Variants in RARB observed in about 807,000 individuals in gnomAD.
RARB encodes the protein retinoic acid receptor beta, also known as HBV-activated protein.
A neutral mutation model predicts 51.9 loss-of-function variants in RARB; 17 were observed. That is an observed-to-expected ratio of 0.33 (90% CI 0.22 to 0.49). The LOEUF (loss-of-function observed/expected upper bound fraction) is 0.49, where lower values mean the gene tolerates loss of function less well. Among genes scored for constraint, RARB ranks in the 20% least tolerant of loss-of-function variants. The pLI is 0.99. For synonymous variants in RARB, 215 were observed against 195.4 expected (o/e 1.10, Z -0.84); for missense variants, 369 against 550.8 (o/e 0.67, Z 3.30).
At chr3:25,128,738 C>T (rs939788425) in intron 3 of RARB, among the ~76,000 whole-genome samples, 1 of 151,414 alleles carries the variant, frequency 6.6e-6, no homozygotes, top group Admixed American at 6.6e-5. Flanking sequence ...ACAGTCCTCT[C>T]AATGAAAACA....
chr3:25,272,570 T>A (rs1703279814), intron 5 of RARB, among the ~76,000 whole-genome samples: 1 of 152,192 alleles, frequency 6.6e-6, no homozygotes, highest in Non-Finnish European at 1.5e-5. Flanking sequence ...CCTGTAGAGC[T>A]TTTAAAAATA....
Position 25,317,083 on chromosome 3 carries a change from G to T in RARB, c.178+142508G>T, listed in dbSNP as rs200091739. The stretch of plus-strand genomic sequence containing the variant: ...GTTAAGTATTTGATTATTATAAGTC[G>T]TGTAAAAGAATACAACATTTTTGCA... On this transcript the variant is annotated intron_variant, in intron 5 of 11. Coordinates refer to the RARB transcript ENST00000383772. 2.3e-3 allele frequency among the ~76,000 whole-genome samples: 97 copies of T among 42,756 alleles called. 1 individual carries two copies. Among genetic ancestry groups the T allele is most frequent in the Non-Finnish European group, 2.2e-3 (39 of 17,794 alleles). 28.0% of individuals were successfully genotyped at this position (42,756 alleles called of 152,430 possible).
rs900626720 is a variant in RARB, at chr3:25,031,559, C to G, written c.-379-28566C>G. ...AGAACATAACGTGACAAAGACAATGCCTTGAAAACTAAGTAGATTCATTTA... is the reference window on the plus strand; with the variant it reads ...AGAACATAACGTGACAAAGACAATGGCTTGAAAACTAAGTAGATTCATTTA... On this transcript the variant is annotated intron_variant, in intron 2 of 11. Coordinates refer to the RARB transcript ENST00000383772. 5.9e-5 allele frequency among the ~76,000 whole-genome samples: 9 copies of G among 152,222 alleles called. No individual in the cohort carries two copies. The East Asian group carries it at 1.7e-3, about 29-fold the overall frequency.
intron 4 of RARB, among the ~76,000 whole-genome samples, chr3:25,576,912 A>G (rs761413133): frequency 6.6e-6 from 1 of 152,196 alleles, no homozygotes; most frequent in Non-Finnish European, 1.5e-5. Context: ...TCCCGAAGCC[A>G]TGCTCTCATA....
chr3:24,932,851 A>T (rs1486208701), intron 2 of RARB, among the ~76,000 whole-genome samples: 2 of 152,178 alleles, frequency 1.3e-5, no homozygotes, highest in Admixed American at 1.3e-4. Context: ...GGAGGTGCTA[A>T]TCTCTGTTCT....
At chr3:24,901,595 T>C (rs577332402) in intron 2 of RARB, among the ~76,000 whole-genome samples, 111 of 152,192 alleles carry the variant, frequency 7.3e-4, no homozygotes, top group Non-Finnish European at 1.1e-3. Flanking sequence ...CCTTTGGTAA[T>C]CAATTCTTAA....
chr3:25,566,143 G>C (rs1700485190), intron 3 of RARB, among the ~76,000 whole-genome samples: 4 of 152,164 alleles, frequency 2.6e-5, no homozygotes. Flanking sequence ...CCATGATTCT[G>C]GTGGTTCTTG....
chr3:25,398,858 T>C (rs1326230243), intron 5 of RARB, among the ~76,000 whole-genome samples: 1 of 152,250 alleles, frequency 6.6e-6, no homozygotes, highest in Non-Finnish European at 1.5e-5. Flanking sequence ...ATATTTTATG[T>C]CTGTACGCAA....
At chr3:24,937,675 C>CA (rs2125397751) in intron 2 of RARB, among the ~76,000 whole-genome samples, 1 of 152,212 alleles carries the variant, frequency 6.6e-6, no homozygotes, top group African/African-American at 2.4e-5. Context: ...GAGATAGCAT[C>CA]AAAACATTTA....
At chr3:25,233,351 A>G (rs1702227823) in intron 5 of RARB, among the ~76,000 whole-genome samples, 2 of 152,176 alleles carry the variant, frequency 1.3e-5, no homozygotes, top group Non-Finnish European at 2.9e-5. Flanking sequence ...TCTGTATAGT[A>G]AAACAAGTGA....
chr3:24,946,048 G>A (rs1425826523), intron 2 of RARB, among the ~76,000 whole-genome samples: 4 of 151,872 alleles, frequency 2.6e-5, no homozygotes, highest in African/African-American at 7.3e-5. Context: ...GGCAGATCAC[G>A]AGGTCAGGAG....
intron 1 of RARB, among the ~76,000 whole-genome samples, chr3:24,847,687 G>A (rs557567073): frequency 6.6e-6 from 1 of 152,354 alleles, no homozygotes; most frequent in East Asian, 1.9e-4. Flanking sequence ...CCAGGCCCTA[G>A]GTAGTTGGCC....
chr3:25,335,866 A>G (rs1245211454), intron 5 of RARB, among the ~76,000 whole-genome samples: 1 of 152,210 alleles, frequency 6.6e-6, no homozygotes, highest in Admixed American at 6.5e-5. Context: ...GAACATGTAA[A>G]GCATTTAAAT....
At chr3:25,239,414 C>G (rs1180119385) in intron 5 of RARB, among the ~76,000 whole-genome samples, 3 of 152,098 alleles carry the variant, frequency 2.0e-5, no homozygotes, top group Admixed American at 6.6e-5. Flanking sequence ...ATGTATTCTT[C>G]TAGTAATTTT....
At position 24,912,975 on chromosome 3, in the gene RARB, C is replaced by CTTTTTTTTTT. The variant is rs386396163; in HGVS notation, c.-380+54236_-380+54245dup. 1.4e-3 allele frequency among the ~76,000 whole-genome samples: 107 copies of CTTTTTTTTTT among 75,034 alleles called. 12 individuals are homozygous for CTTTTTTTTTT. Among genetic ancestry groups the CTTTTTTTTTT allele is most frequent in the Middle Eastern group, 0.014 (1 of 74 alleles). The allele number at this position is 75,034 out of a possible 152,430, so 49.2% of individuals were successfully genotyped here. On this transcript the variant is annotated intron_variant, in intron 2 of 11. Transcript: ENST00000383772. ...GCAATACGCACACAAGGTACTGATT[C>CTTTTTTTTTT]TTTTTTTTTTTTTTTTTTTTTTGGA...
At chr3:25,172,873 A>AATTCTATT (rs1700670862) in intron 4 of RARB, among the ~76,000 whole-genome samples, 1 of 152,204 alleles carries the variant, frequency 6.6e-6, no homozygotes. Context: ...TTCTGAAGTA[A>AATTCTATT]ATTCTATTAT....
At chr3:24,844,079 C>T (rs559081416) in intron 1 of RARB, among the ~76,000 whole-genome samples, 7 of 152,274 alleles carry the variant, frequency 4.6e-5, no homozygotes, top group African/African-American at 1.7e-4. Context: ...GTCAGACAAG[C>T]AGACTCTCCC....
At chr3:25,279,940 T>A (rs1450429448) in intron 5 of RARB, among the ~76,000 whole-genome samples, 1 of 152,052 alleles carries the variant, frequency 6.6e-6, no homozygotes, top group African/African-American at 2.4e-5. Flanking sequence ...AAGAGAGGAT[T>A]GAGAGGTGGA....
intron 5 of RARB, among the ~76,000 whole-genome samples, chr3:25,353,807 A>G (rs911888916): frequency 1.3e-5 from 2 of 152,130 alleles, no homozygotes; most frequent in Non-Finnish European, 2.9e-5. Context: ...AGTTGTGACA[A>G]TAAACCCAGA....
Sources: allele counts gnomAD v4.1 joint callset (sites outside exome capture counted in the v4.1 genomes callset), GRCh38; gene constraint gnomAD v4.1.1; transcripts MANE v1.5; gene names NCBI Gene and HGNC (gene_info 2026-07-23, HGNC 2026-07-21).